Variants in TXNDC16 observed in about 807,000 individuals in gnomAD.
TXNDC16 encodes thioredoxin domain containing 16.
A neutral mutation model predicts 85.6 loss-of-function variants in TXNDC16; 74 were observed. That is an observed-to-expected ratio of 0.86 (90% CI 0.72 to 1.05). TXNDC16 has a LOEUF of 1.05. Among genes scored for constraint, TXNDC16 ranks in the 50% least tolerant of loss-of-function variants. The pLI, the probability that TXNDC16 is intolerant of heterozygous loss-of-function variation, is 0.00. For synonymous variants in TXNDC16, 335 were observed against 326.5 expected (o/e 1.03, Z -0.28); for missense variants, 959 against 947.0 (o/e 1.01, Z -0.17).
At chr14:52,522,676 CTG>C (rs2037236095) in intron 6 of TXNDC16, among the ~76,000 whole-genome samples, 1 of 152,194 alleles carries the variant, frequency 6.6e-6, no homozygotes, top group East Asian at 1.9e-4. Context: ...CAGACCCACT[CTG>C]TGTCATAATT....
intron 9 of TXNDC16, among the ~76,000 whole-genome samples, chr14:52,497,129 T>C (rs1173922298): frequency 1.3e-5 from 2 of 152,146 alleles, no homozygotes. Context: ...GTATTACTAT[T>C]AAATAACTAA....
At chr14:52,489,117 C>T (rs1006858062) in intron 11 of TXNDC16, among the ~76,000 whole-genome samples, 1 of 152,062 alleles carries the variant, frequency 6.6e-6, no homozygotes, top group Non-Finnish European at 1.5e-5. Flanking sequence ...GAAATATATA[C>T]AATTTTACTG....
chr14:52,432,918 TCACATAC>T lies in TXNDC16; in HGVS notation c.2195-338_2195-332del, dbSNP rs2034939298. On this transcript the variant is annotated intron_variant, in intron 20 of 20. Coordinates refer to ENST00000281741, the MANE Select transcript of TXNDC16 (RefSeq NM_020784.3). ...AAAAACAGCAATATGTGTAACAAGA[TCACATAC>T]ACATATGTAAAACGTTAAATGAAAA... Among the ~76,000 whole-genome samples the T allele has an allele frequency of 8.5e-5, 13 of 152,296 alleles. No individual in the cohort carries two copies. The South Asian group carries it at 2.7e-3, about 32-fold the overall frequency.
chr14:52,487,046 G>A (rs1398184413), intron 12 of TXNDC16, among the ~76,000 whole-genome samples: 1 of 152,112 alleles, frequency 6.6e-6, no homozygotes, highest in Non-Finnish European at 1.5e-5. Flanking sequence ...TAGAGGCTGT[G>A]GCCACAAAGA....
At chr14:52,549,783 G>A (rs1445193954) in intron 1 of TXNDC16, among the ~76,000 whole-genome samples, 3 of 151,926 alleles carry the variant, frequency 2.0e-5, no homozygotes, top group Non-Finnish European at 4.4e-5. Flanking sequence ...GACTACAGGC[G>A]CCCGCCACCA....
chr14:52,506,155 G>A lies in TXNDC16; in HGVS notation c.756+5085C>T, dbSNP rs906823188. Among the ~76,000 whole-genome samples, 5 of 152,190 alleles carry A rather than the reference G, an allele frequency of 3.3e-5. No homozygotes were observed. In the East Asian group the frequency reaches 5.8e-4, roughly 18 times the overall value. On this transcript the variant is annotated intron_variant, in intron 9 of 20. Transcript: ENST00000281741. ...AATTCTACCAGAGGTACAAGGAGGA[G>A]CTGGTACCATTGCTTCTGAAACTAT...
chr14:52,498,016 T>C (rs1433857123), intron 9 of TXNDC16, among the ~76,000 whole-genome samples: 1 of 152,046 alleles, frequency 6.6e-6, no homozygotes, highest in African/African-American at 2.4e-5. Flanking sequence ...TGTAATACTG[T>C]ACACCAAATT....
At chr14:52,538,068 G>A (rs1162760059) in intron 4 of TXNDC16, among the ~76,000 whole-genome samples, 1 of 152,150 alleles carries the variant, frequency 6.6e-6, no homozygotes, top group African/African-American at 2.4e-5. Flanking sequence ...CTTCCCTTTT[G>A]TTTACTAACA....
chr14:52,448,013 GAAAAAA>G (rs967555356), intron 18 of TXNDC16, among the ~76,000 whole-genome samples: 3 of 134,862 alleles, frequency 2.2e-5, no homozygotes, highest in African/African-American at 8.2e-5. Flanking sequence ...AAAGAAAAAT[GAAAAAA>G]AAAAACAATG....
intron 16 of TXNDC16, chr14:52,462,732 T>C: frequency 2.8e-6 from 1 of 353,376 alleles, no homozygotes; most frequent in South Asian, 2.2e-5. Context: ...ATAAGCCTAA[T>C]TAGAGAGTCC....
chr14:52,508,050 A>C (rs980079604), intron 9 of TXNDC16, among the ~76,000 whole-genome samples: 51 of 152,250 alleles, frequency 3.3e-4, no homozygotes, highest in African/African-American at 4.3e-4. Flanking sequence ...GCAACAAAAG[A>C]CAAAATTGAC....
At position 52,519,095 on chromosome 14, in the gene TXNDC16, A is replaced by C. The variant is rs1766516090; in HGVS notation, c.514+77T>G. 3 of 1,399,852 alleles carry C rather than the reference A, an allele frequency of 2.1e-6. No individual in the cohort carries two copies. The African/African-American group carries it at 4.4e-5, about 20-fold the overall frequency. 86.7% of individuals were successfully genotyped at this position (1,399,852 alleles called of 1,614,324 possible). ...TTAAATATTACGACTGTAGTCAAAA[A>C]AATACACTATTTTAAGTACTTCAAC... On this transcript the variant is annotated intron_variant, in intron 7 of 20. Transcript: ENST00000281741.
At chr14:52,501,667 AC>A (rs2036661981) in intron 9 of TXNDC16, among the ~76,000 whole-genome samples, 2 of 152,366 alleles carry the variant, frequency 1.3e-5, no homozygotes, top group African/African-American at 4.8e-5. Context: ...TAAGAAGTCA[AC>A]AAATTTAGGT....
intron 18 of TXNDC16, among the ~76,000 whole-genome samples, chr14:52,441,482 G>C (rs576328521): frequency 1.3e-5 from 2 of 151,870 alleles, no homozygotes; most frequent in African/African-American, 4.8e-5. Context: ...GGTGGTGCCC[G>C]CCTGTAATCC....
At chr14:52,482,705 C>T (rs886610904) in intron 13 of TXNDC16, 117 bp downstream of exon 13, 1 of 837,210 alleles carries the variant, frequency 1.2e-6, no homozygotes, top group Non-Finnish European at 1.8e-6. Context: ...ACACAGTCTA[C>T]TTGAGACATA....
At chr14:52,540,382 T>G (rs959391948) in intron 4 of TXNDC16, among the ~76,000 whole-genome samples, 1 of 152,162 alleles carries the variant, frequency 6.6e-6, no homozygotes, top group African/African-American at 2.4e-5. Context: ...CCCAGCACTT[T>G]GGGAGGCTGA....
At chr14:52,517,800 A>G (rs1333845861) in intron 7 of TXNDC16, among the ~76,000 whole-genome samples, 1 of 152,112 alleles carries the variant, frequency 6.6e-6, no homozygotes. Flanking sequence ...TCCTAACTCC[A>G]TATATTCTTC....
At chr14:52,509,005 T>C (rs1055009198) in intron 9 of TXNDC16, among the ~76,000 whole-genome samples, 6 of 152,058 alleles carry the variant, frequency 3.9e-5, no homozygotes, top group African/African-American at 1.5e-4. Flanking sequence ...TGTATATATA[T>C]GTAACAAACC....
At chr14:52,513,302 G>T (rs937459297) in intron 8 of TXNDC16, among the ~76,000 whole-genome samples, 33 of 152,078 alleles carry the variant, frequency 2.2e-4, no homozygotes, top group Non-Finnish European at 2.9e-5. Flanking sequence ...TTTGCTGAAT[G>T]AAAGAATTAA....
Sources: gnomAD v4.1 joint callset for allele counts (sites outside exome capture counted in the v4.1 genomes callset) on GRCh38, gnomAD v4.1.1 for gene constraint, MANE v1.5 for transcripts, NCBI Gene and HGNC (gene_info 2026-07-23, HGNC 2026-07-21) for gene names.